POU6F2: variants seen among roughly 807,000 people sequenced by gnomAD.
POU6F2 encodes the protein POU domain, class 6, transcription factor 2.
A neutral mutation model predicts 71.3 loss-of-function variants in POU6F2; 31 were observed. The ratio of observed to expected loss-of-function variants is 0.43; its 90% CI spans 0.33 to 0.59. The LOEUF is 0.59. POU6F2 is among the 20% of genes least tolerant of loss of function. The pLI is 0.04. For synonymous variants in POU6F2, 347 were observed against 355.7 expected, an observed-to-expected ratio of 0.98 and a Z score of 0.27; for missense variants, 783 against 856.8, an observed-to-expected ratio of 0.91 and a Z score of 1.07.
At chr7:39,391,222 A>G (rs1787070158) in intron 5 of POU6F2, among the ~76,000 whole-genome samples, 1 of 152,118 alleles carries the variant, frequency 6.6e-6, no homozygotes, top group African/African-American at 2.4e-5. Flanking sequence ...CAATTTGTCC[A>G]AGTTCTTAAA....
chr7:39,164,541 G>A lies in POU6F2; in HGVS notation c.278-39694G>A, dbSNP rs143944140. Among the ~76,000 whole-genome samples, 79 of 151,496 alleles carry A rather than the reference G, an allele frequency of 5.2e-4. No individual in the cohort carries two copies. The East Asian group carries it at 0.014, about 27-fold the overall frequency. ...CCCCATTAGCAATAAGGCTCTGGGT[G>A]TGCTAAGTCACAATTTGTGCTGGGT... On this transcript the variant is annotated intron_variant, in intron 2 of 9. Coordinates refer to ENST00000518318, the MANE Select transcript of POU6F2 (RefSeq NM_001370959.1).
chr7:39,033,776 C>T (rs935589040), intron 1 of POU6F2, among the ~76,000 whole-genome samples: 1 of 152,192 alleles, frequency 6.6e-6, no homozygotes, highest in Non-Finnish European at 1.5e-5. Flanking sequence ...CAGGCAGTAA[C>T]AATCTTTCAT....
At chr7:39,018,952 CCTT>C (rs1789620254) in intron 1 of POU6F2, among the ~76,000 whole-genome samples, 1 of 152,144 alleles carries the variant, frequency 6.6e-6, no homozygotes, top group African/African-American at 2.4e-5. Flanking sequence ...TTCCCTGCCT[CCTT>C]CTTGTATTGC....
intron 1 of POU6F2, among the ~76,000 whole-genome samples, chr7:39,049,320 A>G (rs1284655536): frequency 1.3e-5 from 2 of 151,984 alleles, no homozygotes; most frequent in Admixed American, 6.6e-5. Context: ...TTTGTAAACT[A>G]TAAACTTCCT....
intron 2 of POU6F2, among the ~76,000 whole-genome samples, chr7:39,094,951 T>C (rs1049973070): frequency 6.6e-6 from 1 of 152,124 alleles, no homozygotes; most frequent in African/African-American, 2.4e-5. Context: ...CCTACATCAT[T>C]TCCCAAAATA....
intron 1 of POU6F2, among the ~76,000 whole-genome samples, chr7:39,001,718 T>G (rs191322144): frequency 5.7e-4 from 86 of 151,752 alleles, no homozygotes; most frequent in African/African-American, 2.0e-3. Context: ...GTGATGATGA[T>G]ATAATGGTGA....
chr7:39,044,082 G>T (rs998238530), intron 1 of POU6F2, among the ~76,000 whole-genome samples: 2 of 151,894 alleles, frequency 1.3e-5, no homozygotes, highest in South Asian at 4.1e-4. Flanking sequence ...TGGGCGTAGG[G>T]ACTTAAAGAG....
chr7:39,279,892 G>T (rs376169287), intron 4 of POU6F2, among the ~76,000 whole-genome samples: 1,552 of 152,078 alleles, frequency 0.01, 18 homozygotes, highest in Middle Eastern at 0.02. Flanking sequence ...GATTACAGGC[G>T]CCTGCCACTA....
At chr7:39,058,759 T>C (rs1002589550) in intron 1 of POU6F2, among the ~76,000 whole-genome samples, 6 of 152,330 alleles carry the variant, frequency 3.9e-5, no homozygotes, top group Middle Eastern at 3.4e-3. Context: ...CAGTTTTGTA[T>C]TGGAAATGTT....
intron 2 of POU6F2, among the ~76,000 whole-genome samples, chr7:39,179,033 A>T (rs1309607990): frequency 2.0e-5 from 3 of 152,266 alleles, no homozygotes. Flanking sequence ...CTCTTCTGGA[A>T]GCCTGTGTTT....
At chr7:39,418,452 G>A (rs1302121321) in intron 6 of POU6F2, among the ~76,000 whole-genome samples, 1 of 152,182 alleles carries the variant, frequency 6.6e-6, no homozygotes, top group Non-Finnish European at 1.5e-5. Flanking sequence ...CATTTTGGGA[G>A]GCTGAGGCAG....
chr7:39,332,401 C>G (rs1456357563), intron 4 of POU6F2, among the ~76,000 whole-genome samples: 2 of 152,190 alleles, frequency 1.3e-5, no homozygotes, highest in East Asian at 1.9e-4. Context: ...GGTCCTTTGT[C>G]TTCCTCTTCC....
chr7:39,333,480 T>A (rs1785700687), intron 4 of POU6F2, among the ~76,000 whole-genome samples: 1 of 152,144 alleles, frequency 6.6e-6, no homozygotes, highest in African/African-American at 2.4e-5. Flanking sequence ...GGCTCACACC[T>A]ATAATCCCAG....
chr7:39,112,154 A>C (rs767925788), intron 2 of POU6F2, among the ~76,000 whole-genome samples: 1 of 152,154 alleles, frequency 6.6e-6, no homozygotes, highest in African/African-American at 2.4e-5. Context: ...ATTAAACCCA[A>C]AGCAGTAGCC....
intron 6 of POU6F2, among the ~76,000 whole-genome samples, chr7:39,426,366 CA>C (rs1344397776): frequency 6.6e-6 from 1 of 152,034 alleles, no homozygotes; most frequent in Non-Finnish European, 1.5e-5. Flanking sequence ...TGGTTTTCTC[CA>C]GATCTACTCT....
chr7:39,108,396 C>T (rs1791737286), intron 2 of POU6F2, among the ~76,000 whole-genome samples: 1 of 152,004 alleles, frequency 6.6e-6, no homozygotes, highest in South Asian at 2.1e-4. Context: ...CAGGGGTCAA[C>T]CCTCTTTCTT....
intron 2 of POU6F2, among the ~76,000 whole-genome samples, chr7:39,199,002 G>A (rs1046568779): frequency 1.3e-5 from 2 of 152,188 alleles, no homozygotes; most frequent in Non-Finnish European, 2.9e-5. Context: ...GCAAACAGTC[G>A]GTGAGAAAGG....
intron 2 of POU6F2, among the ~76,000 whole-genome samples, chr7:39,197,535 CAT>C (rs989113860): frequency 5.4e-4 from 82 of 152,316 alleles, no homozygotes; most frequent in African/African-American, 1.8e-3. Context: ...AAGCCCAGAA[CAT>C]GTGTGGCTGC....
intron 4 of POU6F2, among the ~76,000 whole-genome samples, chr7:39,232,775 G>A (rs757689596): frequency 2.0e-5 from 3 of 152,128 alleles, no homozygotes; most frequent in Non-Finnish European, 4.4e-5. Context: ...AAGTAGTTAT[G>A]GCCCATGTCG....
Sources: gnomAD v4.1 joint callset for allele counts (sites outside exome capture counted in the v4.1 genomes callset) on GRCh38, gnomAD v4.1.1 for gene constraint, MANE v1.5 for transcripts, NCBI Gene and HGNC (gene_info 2026-07-23, HGNC 2026-07-21) for gene names.